Variants in MYO18B observed in about 807,000 individuals in gnomAD.
MYO18B encodes the protein myosin XVIIIB, also known as unconventional myosin-XVIIIb.
Under a neutral mutation model 273.0 loss-of-function variants are expected in MYO18B, and 204 were observed. The ratio of observed to expected loss-of-function variants is 0.75; its 90% CI spans 0.67 to 0.84. The LOEUF (loss-of-function observed/expected upper bound fraction) is 0.84. Ranked by LOEUF, MYO18B falls within the 40% of genes least tolerant of loss-of-function variation. MYO18B has a pLI of 0.00. For synonymous variants in MYO18B, 1,330 were observed against 1,305.7 expected, an observed-to-expected ratio of 1.02 and a Z score of -0.40; for missense variants, 3,212 against 3,287.6, an observed-to-expected ratio of 0.98 and a Z score of 0.56.
intron 8 of MYO18B, 128 bp downstream of exon 8, chr22:25,777,909 T>G: frequency 1.2e-6 from 1 of 848,692 alleles, no homozygotes; most frequent in South Asian, 2.4e-5. Flanking sequence ...GCAGACCCCA[T>G]GCTTGCTACT....
rs549541034 is a variant in MYO18B at position 25,890,916 on chromosome 22, G to A, written c.4434+41G>A. The A allele has an allele frequency of 1.9e-6, 3 of 1,600,810 alleles. No homozygotes were observed. In the African/African-American group the frequency reaches 4.0e-5, roughly 21 times the overall value. ...TGGCCAGGGGTGGCTGAACACGGTG[G>A]CTAAAAATGGTTGGGTCTGCTCCCC... On this transcript the variant is annotated intron_variant, in intron 26 of 43. Transcript: ENST00000335473.
the MYO18B span, among the ~76,000 whole-genome samples, chr22:26,051,216 CTTTT>C: frequency 7.6e-5 from 7 of 92,582 alleles, no homozygotes; most frequent in Non-Finnish European, 1.3e-4. Context: ...TAATTGGTCC[CTTTT>C]TTTTTTTTTT....
chr22:25,933,391 A>C lies in MYO18B; in HGVS notation c.5517+11982A>C, dbSNP rs149981380. Among the ~76,000 whole-genome samples the C allele has an allele frequency of 6.6e-4, 100 of 152,254 alleles. No homozygotes were observed. In the East Asian group the frequency reaches 0.018, roughly 27 times the overall value. On this transcript the variant is annotated intron_variant, in intron 34 of 43. Coordinates refer to ENST00000335473, the MANE Select transcript of MYO18B (RefSeq NM_032608.7). ...CAGTAAAGCCAGTTCTCAAAAGCCA[A>C]CTGGTGGTTTTAGCAGAAAGGGTGA...
chr22:25,772,475 C>T lies in MYO18B; in HGVS notation c.1834C>T (p.Gln612Ter). The change falls in exon 7 of 44, where the codon CAG becomes TAG. Residue 612 changes from glutamine to a stop codon, truncating the protein, a stop_gained. Coordinates refer to ENST00000335473, the MANE Select transcript of MYO18B (RefSeq NM_032608.7). LOFTEE classifies it high-confidence loss of function. ...CACAGGGCCTGATCTGATTGTCCTCCAGCCCCGGGGGCCCTCGGTGCCTTC... is the reference window on the plus strand; with the variant it reads ...CACAGGGCCTGATCTGATTGTCCTCTAGCCCCGGGGGCCCTCGGTGCCTTC... The part of the protein sequence containing the change: ...TCTGPDLIVL[Q>*]PRGPSVPSAG... The T allele has an allele frequency of 1.9e-6, 3 of 1,613,974 alleles. No individual in the cohort carries two copies. Among genetic ancestry groups the T allele is most frequent in the South Asian group, 1.1e-5 (1 of 91,072 alleles).
At position 26,027,597 on chromosome 22, in the gene MYO18B, G is replaced by T. The variant is rs202185507; in HGVS notation, c.7623G>T (p.Thr2541=). Residue 2541 remains threonine (T), a synonymous_variant, in exon 43 of 44, where the codon ACG becomes ACT. Transcript: ENST00000335473. This position sits in a 1 kb window ranked among gnomAD's most constrained non-coding sequence, Gnocchi z 4.1. The part of the protein sequence containing the change: ...PRLAGDGGER[T]SPERREPGTG... ...TTGCGGGTGACGGTGGCGAGCGAACGTCCCCCGAGCGGAGAGAGCCAGGGA... is the reference window on the plus strand; with the variant it reads ...TTGCGGGTGACGGTGGCGAGCGAACTTCCCCCGAGCGGAGAGAGCCAGGGA... The T allele has an allele frequency of 6.2e-7, 1 of 1,613,920 alleles. No individual in the cohort carries two copies. Among genetic ancestry groups the T allele is most frequent in the Admixed American group, 1.7e-5 (1 of 60,026 alleles).
chr22:25,918,188 C>G (rs914669887), intron 33 of MYO18B, among the ~76,000 whole-genome samples: 3 of 152,234 alleles, frequency 2.0e-5, no homozygotes, highest in Admixed American at 2.0e-4. Flanking sequence ...ATTTGTGAAG[C>G]CCTCAGCAAC....
chr22:25,794,020 G>A (rs5761193), intron 11 of MYO18B, among the ~76,000 whole-genome samples: 147,952 of 151,912 alleles, frequency 0.97, 72,127 homozygotes, highest in Non-Finnish European at 0.99. Flanking sequence ...TGCAAACTCC[G>A]CCTCCTGGGT....
At chr22:25,789,953 G>C (rs933262234) in intron 11 of MYO18B, among the ~76,000 whole-genome samples, 4 of 152,236 alleles carry the variant, frequency 2.6e-5, no homozygotes, top group Admixed American at 6.5e-5. Context: ...AGGAGTTTGA[G>C]ACCAGGCAGA....
chr22:25,751,246 A>G (rs2085922952), intron 1 of MYO18B, among the ~76,000 whole-genome samples: 1 of 152,186 alleles, frequency 6.6e-6, no homozygotes, highest in South Asian at 2.1e-4. Context: ...GAACAGAAAA[A>G]ATACAGGGAT....
chr22:25,831,643 A>G (rs1258882191), intron 15 of MYO18B, among the ~76,000 whole-genome samples: 3 of 152,186 alleles, frequency 2.0e-5, no homozygotes, highest in Non-Finnish European at 4.4e-5. Context: ...TCGGCCTCCC[A>G]AAGTGCTTGG....
intron 21 of MYO18B, among the ~76,000 whole-genome samples, chr22:25,858,666 CAGTT>C (rs145246770): frequency 0.07 from 10,618 of 152,214 alleles, 394 homozygotes; most frequent in Middle Eastern, 0.14. Flanking sequence ...TGACTGAAAT[CAGTT>C]AGACCCCAAA....
At chr22:26,057,974 T>G in the MYO18B span, among the ~76,000 whole-genome samples, 2 of 152,134 alleles carry the variant, frequency 1.3e-5, no homozygotes, top group African/African-American at 4.8e-5. Flanking sequence ...TGGAAATCTT[T>G]CCTGCTGAAC....
intron 3 of MYO18B, among the ~76,000 whole-genome samples, chr22:25,765,779 G>A (rs1325110236): frequency 6.6e-6 from 1 of 152,038 alleles, no homozygotes; most frequent in Admixed American, 6.5e-5. Flanking sequence ...GGTGGGGTGG[G>A]AGGAGGCTGG....
At chr22:25,866,494 G>T (rs1314151593) in intron 21 of MYO18B, among the ~76,000 whole-genome samples, 1 of 152,082 alleles carries the variant, frequency 6.6e-6, no homozygotes, top group Non-Finnish European at 1.5e-5. Context: ...TCTCTGGTTT[G>T]GGTGTTTATT....
At chr22:26,035,023 G>C (rs899790586), downstream of MYO18B, among the ~76,000 whole-genome samples, 4 of 152,128 alleles carry the variant, frequency 2.6e-5, no homozygotes, top group Non-Finnish European at 5.9e-5. Context: ...ACATACATTG[G>C]CCATGTCCCT....
chr22:26,039,383 C>T, the MYO18B span, among the ~76,000 whole-genome samples: 2 of 152,186 alleles, frequency 1.3e-5, no homozygotes, highest in Admixed American at 6.5e-5. Flanking sequence ...CCACCTGGAA[C>T]ACTCATTTAT....
intron 39 of MYO18B, among the ~76,000 whole-genome samples, chr22:25,984,351 G>A (rs1428759352): frequency 6.6e-6 from 1 of 152,134 alleles, no homozygotes; most frequent in Non-Finnish European, 1.5e-5. Flanking sequence ...GGCCTCTCTG[G>A]AAGTGTGATT....
chr22:25,978,662 T>C (rs1023521616), intron 39 of MYO18B, among the ~76,000 whole-genome samples: 2 of 152,132 alleles, frequency 1.3e-5, no homozygotes, highest in African/African-American at 4.8e-5. Flanking sequence ...TTTAAAACTA[T>C]GTGAATCCTG....
chr22:26,002,984 G>A (rs1569284733), intron 40 of MYO18B, among the ~76,000 whole-genome samples: 1 of 152,112 alleles, frequency 6.6e-6, no homozygotes, highest in Non-Finnish European at 1.5e-5. Context: ...TAGCGGTAAT[G>A]GTTGCTACCA....
Sources: gnomAD v4.1 joint callset for allele counts (sites outside exome capture counted in the v4.1 genomes callset) on GRCh38, gnomAD v4.1.1 for gene constraint, Gnocchi (gnomAD v3.1) non-coding constraint, MANE v1.5 for transcripts, NCBI Gene and HGNC (gene_info 2026-07-23, HGNC 2026-07-21) for gene names.